Variants in OOSP1 observed in about 807,000 individuals in gnomAD.
The protein encoded by OOSP1 is oocyte secreted protein 1, also known as putative oocyte-secreted protein 1 homolog.
OOSP1 carries 11 observed loss-of-function variants against 5.7 expected under a neutral mutation model. The ratio of observed to expected loss-of-function variants is 1.94; its 90% CI spans 1.22 to 3.20. The LOEUF (loss-of-function observed/expected upper bound fraction) is 3.20. OOSP1 is among the 30% of genes most tolerant of loss of function. OOSP1 has a pLI of 0.00. For missense variants in OOSP1, 83 were observed against 54.1 expected (o/e 1.53, Z -1.67); for synonymous variants, 44 against 20.0 (o/e 2.20, Z -3.20).
intron 1 of OOSP1, among the ~76,000 whole-genome samples, chr11:59,939,581 TTCTC>T (rs1261645622): frequency 1.9e-5 from 2 of 103,308 alleles, no homozygotes; most frequent in Non-Finnish European, 3.9e-5. Context: ...CTTTCTCTCC[TTCTC>T]TCTTTTTCTT....
Position 59,942,875 on chromosome 11 carries a change from G to A in OOSP1, c.105G>A (p.Trp35Ter), listed in dbSNP as rs1483081387. 2.8e-6 allele frequency: 2 copies of A among 702,480 alleles called. No individual in the cohort carries two copies. The highest frequency in any genetic ancestry group is 5.2e-6 in the Non-Finnish European group (2 of 384,856). 43.5% of individuals were successfully genotyped at this position (702,480 alleles called of 1,614,324 possible). A position where few individuals can be genotyped will look rare whatever the true frequency, so the allele number is the denominator to read the frequency against. The change falls in exon 2 of 5, where the codon TGG (tryptophan) becomes TGA (stop). Residue 35 changes from tryptophan (W) to a stop codon, truncating the protein, a stop_gained. Transcript: ENST00000646685. LOFTEE classifies it high-confidence loss of function. ...TTCAAGTACACTGCACCCAGTTTTGGTTCTTTGCCAGGATTAAACCCACGA... is the reference window on the plus strand; with the variant it reads ...TTCAAGTACACTGCACCCAGTTTTGATTCTTTGCCAGGATTAAACCCACGA...
intron 4 of OOSP1, among the ~76,000 whole-genome samples, chr11:59,953,923 A>G (rs1334343344): frequency 6.6e-6 from 1 of 152,186 alleles, no homozygotes; most frequent in African/African-American, 2.4e-5. Flanking sequence ...TAATCGGAAT[A>G]TGTTCTGAGA....
rs563527998 is a variant in OOSP1 at position 59,947,428 on chromosome 11, A to G, written c.357-305A>G. On this transcript the variant is annotated intron_variant, in intron 3 of 4. Transcript: ENST00000646685. Reference sequence around the variant, plus strand: ...CCCAGCTATGGTGGTAGATACTATTATGCCAAATTCAGGATGAGAAAATTG... The same window carrying G: ...CCCAGCTATGGTGGTAGATACTATTGTGCCAAATTCAGGATGAGAAAATTG... Among the ~76,000 whole-genome samples the G allele has an allele frequency of 2.0e-5, 3 of 152,276 alleles. No homozygotes were observed. In the East Asian group the frequency reaches 5.8e-4, roughly 29 times the overall value.
chr11:59,949,358 C>G (rs1329611264), intron 4 of OOSP1, among the ~76,000 whole-genome samples: 1 of 151,894 alleles, frequency 6.6e-6, no homozygotes, highest in Non-Finnish European at 1.5e-5. Context: ...GGTTGTGGTC[C>G]TTAATATGGC....
chr11:59,946,592 T>G (rs11821079), intron 3 of OOSP1, among the ~76,000 whole-genome samples: 2,719 of 152,310 alleles, frequency 0.018, 91 homozygotes, highest in African/African-American at 0.06. Flanking sequence ...CTTATTTTTC[T>G]ATATAAGTGT....
At chr11:59,944,713 A>G (rs1853864579) in intron 2 of OOSP1, among the ~76,000 whole-genome samples, 1 of 152,152 alleles carries the variant, frequency 6.6e-6, no homozygotes, top group African/African-American at 2.4e-5. Flanking sequence ...CTTTACCACC[A>G]TAATTATTGC....
At chr11:59,953,783 A>C (rs537144471) in intron 4 of OOSP1, among the ~76,000 whole-genome samples, 1 of 152,334 alleles carries the variant, frequency 6.6e-6, no homozygotes, top group South Asian at 2.1e-4. Flanking sequence ...GGAAATCGAC[A>C]TGTAATATAG....
rs1303516889 is a variant in OOSP1, at chr11:59,949,541, ACT to A, written c.486+1680_486+1681del. On this transcript the variant is annotated intron_variant, in intron 4 of 4. Transcript: ENST00000646685. ...ATATGGGAACAGCTGATGTAAAGTCACTGAGTGTTTGCAGAACAAGGCCAGCA... is the reference window on the plus strand; with the variant it reads ...ATATGGGAACAGCTGATGTAAAGTCAGAGTGTTTGCAGAACAAGGCCAGCA... 3.3e-5 allele frequency among the ~76,000 whole-genome samples: 5 copies of A among 152,142 alleles called. No individual in the cohort carries two copies. In the East Asian group the frequency reaches 9.6e-4, roughly 29 times the overall value.
intron 2 of OOSP1, among the ~76,000 whole-genome samples, chr11:59,944,958 C>T (rs1164560985): frequency 1.3e-5 from 2 of 152,158 alleles, no homozygotes; most frequent in African/African-American, 4.8e-5. Flanking sequence ...TATTGCTTGC[C>T]TTTTATGTGC....
chr11:59,941,818 T>C (rs1276610285), intron 1 of OOSP1, among the ~76,000 whole-genome samples: 1 of 152,214 alleles, frequency 6.6e-6, no homozygotes, highest in Non-Finnish European at 1.5e-5. Context: ...GGTTGATACA[T>C]TTCACATTGT....
chr11:59,943,238 T>C (rs1590890922), intron 2 of OOSP1, among the ~76,000 whole-genome samples: 2 of 148,638 alleles, frequency 1.3e-5, no homozygotes, highest in East Asian at 4.1e-4. Flanking sequence ...GGGATAGCAT[T>C]AGGAGATATA....
intron 1 of OOSP1, among the ~76,000 whole-genome samples, chr11:59,940,782 A>G (rs1853816994): frequency 6.6e-6 from 1 of 152,172 alleles, no homozygotes. Context: ...GTGCTCACAG[A>G]TGTCTTACTT....
At chr11:59,955,020 G>A (rs12363439) in intron 4 of OOSP1, among the ~76,000 whole-genome samples, 45 of 151,804 alleles carry the variant, frequency 3.0e-4, no homozygotes, top group Non-Finnish European at 5.9e-4. Context: ...AACTAAGCCT[G>A]TATCTAGTAG....
chr11:59,945,667 C>T lies in OOSP1; in HGVS notation c.356+401C>T, dbSNP rs375275778. Reference sequence around the variant, plus strand: ...TTGGGAGCTTGAGGCAGCAGAATGGCGTGAACCCAGGAGGCAGAGCTTGCA... The same window carrying T: ...TTGGGAGCTTGAGGCAGCAGAATGGTGTGAACCCAGGAGGCAGAGCTTGCA... On this transcript the variant is annotated intron_variant, in intron 3 of 4. Transcript: ENST00000646685. Among the ~76,000 whole-genome samples the T allele has an allele frequency of 5.1e-5, 7 of 136,882 alleles. No homozygotes were observed. In the East Asian group the frequency reaches 1.1e-3, roughly 22 times the overall value. The allele number at this position is 136,882 out of a possible 152,430, so 89.8% of individuals were successfully genotyped here.
At chr11:59,956,839 A>T (rs747308845) in intron 4 of OOSP1, among the ~76,000 whole-genome samples, 1 of 152,166 alleles carries the variant, frequency 6.6e-6, no homozygotes, top group East Asian at 1.9e-4. Context: ...TTCACTTAGA[A>T]TAATAGTTTC....
intron 4 of OOSP1, among the ~76,000 whole-genome samples, chr11:59,954,856 A>G (rs978941908): frequency 2.0e-5 from 3 of 152,072 alleles, no homozygotes; most frequent in African/African-American, 7.2e-5. Context: ...CTGAAGCCCA[A>G]TTTAGGTGTA....
intron 4 of OOSP1, among the ~76,000 whole-genome samples, chr11:59,953,704 C>T (rs1483811526): frequency 1.3e-5 from 2 of 152,186 alleles, no homozygotes; most frequent in East Asian, 3.8e-4. Context: ...CAGAAATCAG[C>T]TGCCTCAGAG....
At chr11:59,956,761 G>C (rs147960747) in intron 4 of OOSP1, among the ~76,000 whole-genome samples, 44 of 152,034 alleles carry the variant, frequency 2.9e-4, no homozygotes, top group African/African-American at 9.9e-4. Context: ...ATGCCTTTGC[G>C]TCCTCATAGC....
At chr11:59,953,149 A>G (rs747031896) in intron 4 of OOSP1, among the ~76,000 whole-genome samples, 4 of 152,062 alleles carry the variant, frequency 2.6e-5, no homozygotes, top group Non-Finnish European at 5.9e-5. Context: ...TCGTCTTAGG[A>G]ACTACTTCAG....
Sources: gnomAD v4.1 joint callset for allele counts (sites outside exome capture counted in the v4.1 genomes callset) on GRCh38, gnomAD v4.1.1 for gene constraint, MANE v1.5 for transcripts, NCBI Gene and HGNC (gene_info 2026-07-23, HGNC 2026-07-21) for gene names.